Variants in ATP2C1 observed in about 807,000 individuals in gnomAD.
The protein encoded by ATP2C1 is calcium-transporting ATPase type 2C member 1.
A neutral mutation model predicts 120.5 loss-of-function variants in ATP2C1; 31 were observed. That is an observed-to-expected ratio of 0.26 (90% CI 0.19 to 0.35). The LOEUF (loss-of-function observed/expected upper bound fraction) is 0.35. Ranked by LOEUF, ATP2C1 falls within the 10% of genes least tolerant of loss-of-function variation. The probability of loss-of-function intolerance (pLI) is 1.00; values close to 1 mark genes in which losing one functional copy is unlikely to be tolerated. For missense variants in ATP2C1, 731 were observed against 1,107.5 expected (o/e 0.66, Z 4.83); for synonymous variants, 351 against 358.7 (o/e 0.98, Z 0.24).
At chr3:130,892,207 T>C (rs1441988715), upstream of ATP2C1, among the ~76,000 whole-genome samples, 1 of 152,226 alleles carries the variant, frequency 6.6e-6, no homozygotes, top group Non-Finnish European at 1.5e-5. Context: ...AGTGACCCAA[T>C]ACCAAATTCT....
chr3:130,981,638 G>A (rs963877253), intron 20 of ATP2C1, among the ~76,000 whole-genome samples: 1 of 152,088 alleles, frequency 6.6e-6, no homozygotes, highest in Non-Finnish European at 1.5e-5. Context: ...CTGCCAAGTT[G>A]TTTTACGAGA....
rs573397822 is a variant in ATP2C1, at chr3:130,943,816, A to C, written c.531+2117A>C. Among the ~76,000 whole-genome samples the C allele has an allele frequency of 2.0e-5, 3 of 152,284 alleles. No homozygotes were observed. The East Asian group carries it at 5.8e-4, about 29-fold the overall frequency. ...AATAACTTTCCTTAAAGAGTTGGGG[A>C]TCTTTTATCCATCTAAATTTAAATG... On this transcript the variant is annotated intron_variant, in intron 8 of 27. Coordinates refer to ENST00000510168, the MANE Select transcript of ATP2C1 (RefSeq NM_001378687.1).
At chr3:130,910,622 A>G (rs2108105817) in intron 2 of ATP2C1, among the ~76,000 whole-genome samples, 2 of 67,868 alleles carry the variant, frequency 2.9e-5, no homozygotes, top group Non-Finnish European at 6.1e-5. Context: ...AATACGTCCC[A>G]TCAATACCTA....
chr3:130,958,524 T>TG (rs1243439574), intron 11 of ATP2C1, among the ~76,000 whole-genome samples: 16 of 151,690 alleles, frequency 1.1e-4, no homozygotes, highest in Non-Finnish European at 2.2e-4. Flanking sequence ...TATATAAAGA[T>TG]GAAAAAAAAA....
chr3:130,910,132 G>A (rs562572774), intron 2 of ATP2C1, among the ~76,000 whole-genome samples: 28 of 152,194 alleles, frequency 1.8e-4, no homozygotes, highest in South Asian at 4.1e-4. Flanking sequence ...TTTTGTTTTG[G>A]TTTGTAGTTC....
intron 1 of ATP2C1, among the ~76,000 whole-genome samples, chr3:130,878,682 C>G (rs543349713): frequency 6.6e-6 from 1 of 152,152 alleles, no homozygotes; most frequent in Non-Finnish European, 1.5e-5. Flanking sequence ...CAATTTCTTT[C>G]TTTCAGCACT....
chr3:130,885,732 CATTT>C (rs1172112271), intron 1 of ATP2C1, among the ~76,000 whole-genome samples: 1 of 152,084 alleles, frequency 6.6e-6, no homozygotes, highest in African/African-American at 2.4e-5. Flanking sequence ...GTTGGTTCAC[CATTT>C]AGACTTTCTA....
intron 26 of ATP2C1, among the ~76,000 whole-genome samples, chr3:131,012,227 TATA>T (rs2063342077): frequency 6.6e-6 from 1 of 151,792 alleles, no homozygotes. Context: ...GAGGATTTGA[TATA>T]ACAACGGTCT....
chr3:130,874,068 C>T (rs1288173070), intron 1 of ATP2C1, among the ~76,000 whole-genome samples: 2 of 151,394 alleles, frequency 1.3e-5, no homozygotes, highest in African/African-American at 4.9e-5. Flanking sequence ...TGAGATTACA[C>T]CACTGCACTC....
rs769016391 is a variant in ATP2C1, at chr3:130,894,426, G to A, written c.-181+89G>A. Reference sequence around the variant, plus strand: ...GGTTCGGGTATCCCCTGGATGGGGGGGCATCTCTAGGGCGCCGCCCCGCTG... The same window carrying A: ...GGTTCGGGTATCCCCTGGATGGGGGAGCATCTCTAGGGCGCCGCCCCGCTG... On this transcript the variant is annotated intron_variant, in intron 1 of 27. Coordinates refer to ENST00000510168, the MANE Select transcript of ATP2C1 (RefSeq NM_001378687.1). The surrounding 1 kb of genome is among the most constrained non-coding windows in gnomAD (Gnocchi z 4.5). 5.5e-6 allele frequency: 7 copies of A among 1,267,282 alleles called. No individual in the cohort carries two copies. The highest frequency in any genetic ancestry group is 7.0e-6 in the Non-Finnish European group (7 of 997,496). The allele number at this position is 1,267,282 out of a possible 1,614,324, so 78.5% of individuals were successfully genotyped here.
At chr3:130,930,305 T>C in intron 2 of ATP2C1, 111 bp from the exon 3 acceptor site, 1 of 751,932 alleles carries the variant, frequency 1.3e-6, no homozygotes, top group Non-Finnish European at 2.4e-6. Context: ...GTCTGAAATA[T>C]TTTTCTAACT....
intron 2 of ATP2C1, among the ~76,000 whole-genome samples, chr3:130,902,284 GTTTTTTTTTTTTGTTTTTTTTTTTT>G (rs1217599544): frequency 3.1e-5 from 2 of 65,506 alleles, no homozygotes; most frequent in Non-Finnish European, 6.0e-5. Context: ...AAGGCTTCAC[GTTTTTTTTTTTTGTTTTTTTTTTTT>G]TTTTTTTTTT....
At chr3:130,901,365 A>T (rs2057813375) in intron 2 of ATP2C1, among the ~76,000 whole-genome samples, 1 of 152,034 alleles carries the variant, frequency 6.6e-6, no homozygotes, top group Non-Finnish European at 1.5e-5. Context: ...CCCCTAATTC[A>T]TATGAGGGGC....
At chr3:131,005,949 T>C (rs1291763938), downstream of ATP2C1, among the ~76,000 whole-genome samples, 1 of 151,456 alleles carries the variant, frequency 6.6e-6, no homozygotes, top group Non-Finnish European at 1.5e-5. Flanking sequence ...GGTGAGAGCG[T>C]GTGTGTGTGT....
rs1027581052 is a variant in ATP2C1, at chr3:130,978,900, A to G, written c.1571-349A>G. On this transcript the variant is annotated intron_variant, in intron 18 of 27. Coordinates refer to ENST00000510168, the MANE Select transcript of ATP2C1 (RefSeq NM_001378687.1). The stretch of plus-strand genomic sequence containing the variant: ...TGACTTTAAAGCCTAACAAACCCAT[A>G]GTTTCTCTAAATAATTAATTCTATT... Among the ~76,000 whole-genome samples, 7 of 152,340 alleles carry G rather than the reference A, an allele frequency of 4.6e-5. No homozygotes were observed. The East Asian group carries it at 1.3e-3, about 29-fold the overall frequency.
intron 1 of ATP2C1, among the ~76,000 whole-genome samples, chr3:130,874,561 A>G (rs1009275014): frequency 2.6e-5 from 4 of 152,230 alleles, no homozygotes; most frequent in Non-Finnish European, 4.4e-5. Flanking sequence ...TAATCTATCA[A>G]TTAAGATTCT....
chr3:130,970,839 A>G (rs2061279344), intron 17 of ATP2C1, among the ~76,000 whole-genome samples: 1 of 152,166 alleles, frequency 6.6e-6, no homozygotes, highest in South Asian at 2.1e-4. Context: ...CTTCATTCAT[A>G]TAAGTGGAAA....
intron 2 of ATP2C1, among the ~76,000 whole-genome samples, chr3:130,907,722 C>G (rs76888929): frequency 0.027 from 3,956 of 146,990 alleles, 180 homozygotes; most frequent in African/African-American, 0.093. Flanking sequence ...TTAACAGTGT[C>G]TGCCTTTCTT....
chr3:130,996,975 G>C (rs185699376), intron 24 of ATP2C1, among the ~76,000 whole-genome samples, 179 bp downstream of exon 24: 1 of 152,130 alleles, frequency 6.6e-6, no homozygotes, highest in African/African-American at 2.4e-5. Flanking sequence ...TGTGCATGCA[G>C]TGTAGATCTG....
Sources: gnomAD v4.1 joint callset for allele counts (sites outside exome capture counted in the v4.1 genomes callset) on GRCh38, gnomAD v4.1.1 for gene constraint, Gnocchi (gnomAD v3.1) non-coding constraint, MANE v1.5 for transcripts, NCBI Gene and HGNC (gene_info 2026-07-23, HGNC 2026-07-21) for gene names.